The following CHD1 variants were observed in gnomAD, a reference collection of about 807,000 sequenced individuals.
CHD1 encodes ATP-dependent chromatin remodeler CHD1.
Under a neutral mutation model 224.2 loss-of-function variants are expected in CHD1, and 36 were observed. That is an observed-to-expected ratio of 0.16 (90% CI 0.12 to 0.21). The LOEUF (loss-of-function observed/expected upper bound fraction) is 0.21. CHD1 is among the 10% of genes least tolerant of loss of function. The probability of loss-of-function intolerance (pLI) is 1.00; values close to 1 mark genes in which losing one functional copy is unlikely to be tolerated. For missense variants in CHD1, 1,378 were observed against 1,994.8 expected (o/e 0.69, Z 5.89); for synonymous variants, 668 against 658.3 (o/e 1.01, Z -0.23).
intron 29 of CHD1, 126 bp from the exon 30 acceptor site, chr5:98,870,008 T>C: frequency 1.6e-6 from 1 of 642,880 alleles, no homozygotes; most frequent in South Asian, 2.2e-5. Context: ...TAATAAGCTG[T>C]ACCAACATCA....
chr5:98,866,431 C>T (rs1276053457), intron 31 of CHD1, among the ~76,000 whole-genome samples: 40 of 152,052 alleles, frequency 2.6e-4, no homozygotes, highest in Admixed American at 2.6e-3. Flanking sequence ...TTAGTGGGTT[C>T]ATTAAATCAA....
chr5:98,872,779 T>C (rs972141961), intron 26 of CHD1, among the ~76,000 whole-genome samples: 4 of 152,188 alleles, frequency 2.6e-5, no homozygotes, highest in African/African-American at 9.7e-5. Context: ...GTTTTACCAA[T>C]TACATAAGAT....
chr5:98,862,675 A>C (rs997992709), intron 32 of CHD1, among the ~76,000 whole-genome samples: 1 of 152,202 alleles, frequency 6.6e-6, no homozygotes, highest in African/African-American at 2.4e-5. Flanking sequence ...AAAGGTAGAC[A>C]TTCTAACTCT....
At chr5:98,891,892 A>G (rs1048056755) in intron 15 of CHD1, among the ~76,000 whole-genome samples, 9 of 152,226 alleles carry the variant, frequency 5.9e-5, no homozygotes, top group Non-Finnish European at 7.3e-5. Context: ...CTATTTTTGT[A>G]TATGTCTGAC....
chr5:98,868,331 G>GAAAAAAA (rs58475767), intron 31 of CHD1, among the ~76,000 whole-genome samples, 164 bp downstream of exon 31: 10 of 91,678 alleles, frequency 1.1e-4, no homozygotes, highest in Non-Finnish European at 1.4e-4. Context: ...ACTCAAAAAA[G>GAAAAAAA]AAAAAAAAAA....
intron 2 of CHD1, among the ~76,000 whole-genome samples, chr5:98,922,715 C>T (rs1211922256): frequency 2.0e-5 from 3 of 152,162 alleles, no homozygotes; most frequent in South Asian, 2.1e-4. Flanking sequence ...GGGCCAGGCA[C>T]GGTGGCTCAT....
intron 32 of CHD1, among the ~76,000 whole-genome samples, chr5:98,861,580 C>T (rs1490963490): frequency 6.6e-6 from 1 of 151,968 alleles, no homozygotes; most frequent in South Asian, 2.1e-4. Flanking sequence ...AAAATAGCTG[C>T]GACCTCTACC....
intron 11 of CHD1, among the ~76,000 whole-genome samples, chr5:98,896,933 A>G (rs528977645): frequency 3.3e-5 from 5 of 152,278 alleles, no homozygotes; most frequent in African/African-American, 1.2e-4. Context: ...ATAGCATGGG[A>G]TGAGAACAGA....
chr5:98,861,249 G>A (rs995436620), intron 32 of CHD1, among the ~76,000 whole-genome samples: 2 of 152,100 alleles, frequency 1.3e-5, no homozygotes, highest in African/African-American at 4.8e-5. Flanking sequence ...AAATGGAATA[G>A]TAAATATCTG....
At chr5:98,902,067 G>A (rs1318610076) in intron 5 of CHD1, among the ~76,000 whole-genome samples, 1 of 151,924 alleles carries the variant, frequency 6.6e-6, no homozygotes, top group African/African-American at 2.4e-5. Flanking sequence ...CATAGTAGAA[G>A]CAAATTTTTT....
chr5:98,875,199 A>T (rs1306977072), intron 24 of CHD1, 86 bp from the exon 25 acceptor site: 3 of 767,254 alleles, frequency 3.9e-6, no homozygotes, highest in Non-Finnish European at 6.5e-6. Context: ...ATATAAGAAA[A>T]TACTTGTTAG....
intron 4 of CHD1, among the ~76,000 whole-genome samples, chr5:98,903,214 C>G (rs541695968): frequency 1.3e-5 from 2 of 152,300 alleles, no homozygotes; most frequent in East Asian, 3.9e-4. Flanking sequence ...AATCTACCCT[C>G]ACTGGAGACC....
intron 18 of CHD1, chr5:98,883,823 CTAAA>C (rs1230631531): frequency 8.4e-6 from 1 of 119,258 alleles, no homozygotes; most frequent in Non-Finnish European, 1.3e-5. Flanking sequence ...GGATTGGAGA[CTAAA>C]TATATATATA....
intron 23 of CHD1, among the ~76,000 whole-genome samples, chr5:98,879,149 A>T (rs1749980773): frequency 6.6e-6 from 1 of 152,166 alleles, no homozygotes; most frequent in African/African-American, 2.4e-5. Context: ...TGGGAGGATC[A>T]TCTGAGGCCG....
chr5:98,913,381 G>T (rs1008779045), intron 2 of CHD1, among the ~76,000 whole-genome samples: 12 of 152,156 alleles, frequency 7.9e-5, no homozygotes, highest in Non-Finnish European at 4.4e-5. Flanking sequence ...GGCTGAGGGA[G>T]GAGGATCCCT....
intron 2 of CHD1, among the ~76,000 whole-genome samples, chr5:98,921,833 A>G (rs1753115548): frequency 6.6e-6 from 1 of 152,178 alleles, no homozygotes; most frequent in Admixed American, 6.5e-5. Context: ...GAAGTAAATC[A>G]TCACTCAAGA....
rs1021413507 is a variant in CHD1, at chr5:98,870,785, C to T, written c.3880G>A (p.Asp1294Asn). 7 of 1,609,466 alleles carry T rather than the reference C, an allele frequency of 4.3e-6. No individual in the cohort carries two copies. Among genetic ancestry groups the T allele is most frequent in the Admixed American group, 1.7e-5 (1 of 59,652 alleles). Residue 1294 changes from aspartate (D) to asparagine (N), a missense_variant, in exon 29 of 36, where the codon GAT becomes AAT. By Grantham distance (23) the Asp-to-Asn change is conservative. This residue lies in a region of CHD1 where 286 missense variants were observed against 445.1 expected (regional missense o/e 0.64). Transcript: ENST00000614616. ...LTHKILPDDP[D>N]KKPQAKQLQT... is the part of the protein sequence containing the mutation. ...AACTGTTTTGCTTGTGGTTTTTTATCGGGATCATCTGGAAGAATCTGAAAA... is the reference window on the plus strand; with the variant it reads ...AACTGTTTTGCTTGTGGTTTTTTATTGGGATCATCTGGAAGAATCTGAAAA...
At chr5:98,889,045 T>C (rs201693049) in intron 16 of CHD1, 31 bp downstream of exon 16, 220 of 1,456,988 alleles carry the variant, frequency 1.5e-4, no homozygotes, top group Middle Eastern at 7.3e-4. Flanking sequence ...TAGAACTTTA[T>C]CACAAAGAAA....
At position 98,869,801 on chromosome 5, in the gene CHD1, C is replaced by A. The variant is rs1296518940; in HGVS notation, c.4060G>T (p.Asp1354Tyr). The A allele has an allele frequency of 1.2e-6, 2 of 1,612,588 alleles. No homozygotes were observed. The highest frequency in any genetic ancestry group is 2.7e-5 in the African/African-American group (2 of 75,022). Reference protein sequence around the residue: ...SIKVKEEIKSDSSPLPSEKSD... With the variant: ...SIKVKEEIKSYSSPLPSEKSD... Reference sequence around the variant, plus strand: ...TTCTCTGAAGGCAGAGGAGAAGAATCACTCTTTATTTCCTCTTTCACTTTT... The same window carrying A: ...TTCTCTGAAGGCAGAGGAGAAGAATAACTCTTTATTTCCTCTTTCACTTTT... The change falls in exon 30 of 36, where the codon GAT becomes TAT. Residue 1354 changes from aspartate to tyrosine, a missense_variant. Physicochemically the swap from Asp to Tyr is radical, Grantham distance 160. Transcript: ENST00000614616.
Sources: gnomAD v4.1 joint callset for allele counts (sites outside exome capture counted in the v4.1 genomes callset) on GRCh38, gnomAD v4.1.1 for gene constraint, gnomAD v4.1.1 regional missense constraint, MANE v1.5 for transcripts, NCBI Gene and HGNC (gene_info 2026-07-23, HGNC 2026-07-21) for gene names.